The following HSPG2 variants were observed in gnomAD, a reference collection of about 807,000 sequenced individuals.
The protein encoded by HSPG2 is basement membrane-specific heparan sulfate proteoglycan core protein.
Under a neutral mutation model 526.6 loss-of-function variants are expected in HSPG2, and 278 were observed. The observed-to-expected ratio is 0.53, with a 90% CI of 0.48 to 0.58. The LOEUF (loss-of-function observed/expected upper bound fraction) is 0.58. HSPG2 is among the 20% of genes least tolerant of loss of function. The pLI, the probability that HSPG2 is intolerant of heterozygous loss-of-function variation, is 0.00. For synonymous variants in HSPG2, 2,465 were observed against 2,555.4 expected, an observed-to-expected ratio of 0.96 and a Z score of 1.07; for missense variants, 5,354 against 6,099.5, an observed-to-expected ratio of 0.88 and a Z score of 4.07.
chr1:21,896,830 C>A (rs114487256), intron 1 of HSPG2, among the ~76,000 whole-genome samples: 20 of 152,340 alleles, frequency 1.3e-4, no homozygotes, highest in Non-Finnish European at 2.8e-4. Context: ...TCCTGCCTCA[C>A]TCTGGCCTGC....
In HSPG2 at chr1:21,851,707, A is replaced by G. The variant is rs1384163706; in HGVS notation, c.7007-10T>C. 6.2e-7 allele frequency: 1 copy of G among 1,613,944 alleles called. No homozygotes were observed. The highest frequency in any genetic ancestry group is 8.5e-7 in the Non-Finnish European group (1 of 1,180,006). The stretch of plus-strand genomic sequence containing the variant: ...TGGGTGCTGCCGGCAGCTGAGGGAT[A>G]AGATGGTCACCGGTCACTCCTGTTC... On this transcript the variant is annotated splice_polypyrimidine_tract_variant and intron_variant, in intron 54 of 96. Transcript: ENST00000374695.
intron 44 of HSPG2, 29 bp downstream of exon 44, chr1:21,856,986 G>A: frequency 1.2e-6 from 2 of 1,608,410 alleles, no homozygotes; most frequent in South Asian, 1.1e-5. Context: ...AGACAGGAGG[G>A]GAGAATCAGG....
At position 21,854,237 on chromosome 1, in the gene HSPG2, A is replaced by G; in HGVS notation, c.6395T>C (p.Val2132Ala). The G allele has an allele frequency of 6.3e-7, 1 of 1,596,950 alleles. No homozygotes were observed. ...AGAATGGGTGCCGTGGAGCACAGAC[A>G]CAGTAATGGAGGCCTCCTTGGGGCC... is the stretch of plus-strand genomic sequence containing the variant. Reference protein sequence around the residue: ...GSGPKEASITVSVLHGTHSGP... With the variant: ...GSGPKEASITASVLHGTHSGP... Residue 2132 changes from valine (V) to alanine (A), a missense_variant, in exon 50 of 97, where the codon GTG (valine) becomes GCG (alanine). Coordinates refer to ENST00000374695, the MANE Select transcript of HSPG2 (RefSeq NM_005529.7).
intron 1 of HSPG2, among the ~76,000 whole-genome samples, chr1:21,911,887 C>T (rs1643702936): frequency 6.6e-6 from 1 of 152,208 alleles, no homozygotes; most frequent in South Asian, 2.1e-4. Context: ...GCTCTCTCTC[C>T]TCTGAACTCT....
intron 1 of HSPG2, among the ~76,000 whole-genome samples, chr1:21,933,633 G>A (rs1013618638): frequency 5.3e-5 from 8 of 152,336 alleles, no homozygotes; most frequent in Middle Eastern, 3.4e-3. Context: ...GAGCAGGCCC[G>A]GGCCAAGCCA....
At chr1:21,827,811 T>C (rs1363048061) in intron 91 of HSPG2, 52 bp downstream of exon 91, 1 of 1,535,762 alleles carries the variant, frequency 6.5e-7, no homozygotes, top group Non-Finnish European at 8.8e-7. Flanking sequence ...GTGGGGTAAC[T>C]GGAAGAGTGA....
intron 33 of HSPG2, among the ~76,000 whole-genome samples, chr1:21,869,988 ACT>A (rs1261213912): frequency 6.6e-6 from 1 of 151,858 alleles, no homozygotes; most frequent in African/African-American, 2.4e-5. Flanking sequence ...CCTCGGCCTG[ACT>A]CTCTTTGTGT....
intron 1 of HSPG2, among the ~76,000 whole-genome samples, chr1:21,910,791 GC>G (rs1643615805): frequency 1.3e-5 from 2 of 152,104 alleles, no homozygotes; most frequent in East Asian, 1.9e-4. Context: ...CTCAGCTTGA[GC>G]ACAAAGAACA....
chr1:21,890,263 C>T lies in HSPG2; in HGVS notation c.414-122G>A. 3 of 1,342,148 alleles carry T rather than the reference C, an allele frequency of 2.2e-6. No homozygotes were observed. The highest frequency in any genetic ancestry group is 3.2e-6 in the Non-Finnish European group (3 of 940,102). 83.1% of individuals were successfully genotyped at this position (1,342,148 alleles called of 1,614,324 possible). A position where few individuals can be genotyped will look rare whatever the true frequency, so the allele number is the denominator to read the frequency against. Reference sequence around the variant, plus strand: ...GGGACAGCCTGTACCCAAAGAAGGGCAACTAAAGGTCCCAATGATCCCCCG... The same window carrying T: ...GGGACAGCCTGTACCCAAAGAAGGGTAACTAAAGGTCCCAATGATCCCCCG... On this transcript the variant is annotated intron_variant, in intron 5 of 96. Coordinates refer to ENST00000374695, the MANE Select transcript of HSPG2 (RefSeq NM_005529.7). The surrounding 1 kb of genome is among the most constrained non-coding windows in gnomAD (Gnocchi z 4.1).
chr1:21,854,454 C>G (rs1639173088), intron 49 of HSPG2, 111 bp from the exon 50 acceptor site: 1 of 1,468,740 alleles, frequency 6.8e-7, no homozygotes. Context: ...TCCGAGCCAT[C>G]CCATGCTAGA....
intron 21 of HSPG2, among the ~76,000 whole-genome samples, chr1:21,877,271 G>A (rs1641151935): frequency 6.6e-6 from 1 of 151,852 alleles, no homozygotes; most frequent in Non-Finnish European, 1.5e-5. Context: ...AGTGTTTCAC[G>A]CACTGTTCTG....
At chr1:21,825,367 A>G (rs1305030083) in intron 91 of HSPG2, 1 of 171,814 alleles carries the variant, frequency 5.8e-6, no homozygotes, top group Admixed American at 5.5e-5. Flanking sequence ...TTTAGCCCTG[A>G]AAGTCCCACA....
At chr1:21,885,262 G>A (rs988050262) in intron 10 of HSPG2, 58 bp downstream of exon 10, 13 of 1,612,166 alleles carry the variant, frequency 8.1e-6, no homozygotes, top group Admixed American at 5.0e-5. Flanking sequence ...TGAGGCTGTG[G>A]ACAGAACCCC....
rs1642707503 is a variant in HSPG2, at chr1:21,895,854, A to C, written c.244+68T>G. On this transcript the variant is annotated intron_variant, in intron 3 of 96. Transcript: ENST00000374695. The surrounding 1 kb of genome is among the most constrained non-coding windows in gnomAD (Gnocchi z 4.1). ...GGCAGGCCCAAGGAGCCCTCAGCCC[A>C]GGAGACTGGCTCTGGGGCTTCCCTG... 11 of 1,470,278 alleles carry C rather than the reference A, an allele frequency of 7.5e-6. No homozygotes were observed. Among genetic ancestry groups the C allele is most frequent in the African/African-American group, 2.8e-5 (2 of 72,208 alleles). 91.1% of individuals were successfully genotyped at this position (1,470,278 alleles called of 1,614,324 possible). A position where few individuals can be genotyped will look rare whatever the true frequency, so the allele number is the denominator to read the frequency against.
Position 21,908,067 on chromosome 1 carries a change from C to G in HSPG2, c.64-11757G>C, listed in dbSNP as rs1249244035. 3 of 752,348 alleles carry G rather than the reference C, an allele frequency of 4.0e-6. No homozygotes were observed. The African/African-American group carries it at 5.1e-5, about 13-fold the overall frequency. 46.6% of individuals were successfully genotyped at this position (752,348 alleles called of 1,614,324 possible). A position where few individuals can be genotyped will look rare whatever the true frequency, so the allele number is the denominator to read the frequency against. ...CTATAAGTGTTTGCTGCCTTTCGGC[C>G]GGAACCGCCATCTTCCAGTAATTCG... On this transcript the variant is annotated intron_variant, in intron 1 of 96. Coordinates refer to ENST00000374695, the MANE Select transcript of HSPG2 (RefSeq NM_005529.7).
rs1238465668 is a variant in HSPG2 at position 21,848,858 on chromosome 1, C to G, written c.7585+35G>C. ...TGAGGGTGCAGTCGGGGTCCCCCAG[C>G]CCTCCACCATTTGCATGACCCCCGA... On this transcript the variant is annotated intron_variant, in intron 58 of 96. Transcript: ENST00000374695. The surrounding 1 kb of genome is among the most constrained non-coding windows in gnomAD (Gnocchi z 4.9). 6.2e-7 allele frequency: 1 copy of G among 1,612,180 alleles called. No homozygotes were observed. The highest frequency in any genetic ancestry group is 8.5e-7 in the Non-Finnish European group (1 of 1,179,686).
chr1:21,841,906 G>A, intron 69 of HSPG2, 96 bp downstream of exon 69: 2 of 1,511,236 alleles, frequency 1.3e-6, no homozygotes, highest in Non-Finnish European at 1.8e-6. Context: ...CATGAATGTG[G>A]GGCGTCCAGA....
chr1:21,834,840 A>T lies in HSPG2; in HGVS notation c.10559T>A (p.Val3520Glu). The T allele has an allele frequency of 6.2e-7, 1 of 1,614,136 alleles. No homozygotes were observed. Among genetic ancestry groups the T allele is most frequent in the Non-Finnish European group, 8.5e-7 (1 of 1,180,028 alleles). Residue 3520 changes from valine (V) to glutamate (E), a missense_variant, in exon 77 of 97, where the codon GTG becomes GAG. By Grantham distance (121) the Val-to-Glu change is moderately radical (BLOSUM62 -2). Transcript: ENST00000374695. ...GTGCCCTCCAACTTTGCTCCATGTC[A>T]CCTGAGGCTTGGGGTCACCCAGTGC... The part of the protein sequence containing the change: ...CLALGDPKPQ[V>E]TWSKVGGHLR...
chr1:21,833,272 G>A lies in HSPG2; in HGVS notation c.11091C>T (p.Ala3697=), dbSNP rs141904589. ...EIKITFRPDS[A]DGMLLYNGQK... The stretch of plus-strand genomic sequence containing the variant: ...CAAATTAACCCTCCTGCTCACCATC[G>A]GCTGAGTCGGGCCGGAAGGTGATCT... The change falls in exon 80 of 97, where the codon GCC becomes GCT. Residue 3697 remains alanine (A), a synonymous_variant. Coordinates refer to ENST00000374695, the MANE Select transcript of HSPG2 (RefSeq NM_005529.7). 1.5e-5 allele frequency: 24 copies of A among 1,613,368 alleles called. No individual in the cohort carries two copies. Among genetic ancestry groups the A allele is most frequent in the South Asian group, 6.6e-5 (6 of 91,054 alleles).
Sources: gnomAD v4.1 joint callset for allele counts (sites outside exome capture counted in the v4.1 genomes callset) on GRCh38, gnomAD v4.1.1 for gene constraint, Gnocchi (gnomAD v3.1) non-coding constraint, MANE v1.5 for transcripts, NCBI Gene and HGNC (gene_info 2026-07-23, HGNC 2026-07-21) for gene names.